Variants in STX17 observed in about 807,000 individuals in gnomAD.
The protein encoded by STX17 is syntaxin-17.
In STX17, 29 loss-of-function variants were observed where a neutral mutation model predicts 35.9. The ratio of observed to expected loss-of-function variants is 0.81; its 90% CI spans 0.60 to 1.10. The LOEUF (loss-of-function observed/expected upper bound fraction) is 1.10. STX17 is among the 50% of genes least tolerant of loss of function. The probability of loss-of-function intolerance (pLI) is 0.00; values close to 1 mark genes in which losing one functional copy is unlikely to be tolerated. For synonymous variants in STX17, 92 were observed against 118.3 expected (o/e 0.78, Z 1.44); for missense variants, 312 against 352.3 (o/e 0.89, Z 0.92).
At position 99,915,472 on chromosome 9, in the gene STX17, C is replaced by G. The variant is rs1220562272; in HGVS notation, c.123+110C>G. ...TAGATAAGAGGCATTGCTGAAACAC[C>G]TAGCTCCTATTGATTTAGCAACATT... is the stretch of plus-strand genomic sequence containing the variant. On this transcript the variant is annotated intron_variant, in intron 2 of 7. Transcript: ENST00000259400. The G allele has an allele frequency of 5.0e-5, 66 of 1,313,094 alleles. No homozygotes were observed. In the South Asian group the frequency reaches 9.8e-4, roughly 19 times the overall value. The allele number at this position is 1,313,094 out of a possible 1,614,324, so 81.3% of individuals were successfully genotyped here.
At chr9:99,936,574 T>A (rs1829240341) in intron 3 of STX17, among the ~76,000 whole-genome samples, 1 of 152,192 alleles carries the variant, frequency 6.6e-6, no homozygotes, top group East Asian at 1.9e-4. Context: ...TTATTCCATT[T>A]TATCTCCTTG....
intron 2 of STX17, among the ~76,000 whole-genome samples, chr9:99,922,596 A>C (rs1009872199): frequency 6.6e-5 from 10 of 152,214 alleles, no homozygotes. Flanking sequence ...TGTGTCCCAC[A>C]TGTGTAGTCC....
intron 1 of STX17, among the ~76,000 whole-genome samples, chr9:99,908,079 T>A (rs550918870): frequency 6.6e-6 from 1 of 152,342 alleles, no homozygotes; most frequent in South Asian, 2.1e-4. Context: ...TAGATTAAGG[T>A]TATACATTTT....
chr9:99,920,846 C>A (rs547058239), intron 2 of STX17, among the ~76,000 whole-genome samples: 2 of 152,240 alleles, frequency 1.3e-5, no homozygotes, highest in East Asian at 3.9e-4. Flanking sequence ...GTTATAAAAT[C>A]ATGTAAACAG....
intron 4 of STX17, 86 bp downstream of exon 4, chr9:99,951,371 ATAGGT>A: frequency 2.4e-6 from 3 of 1,245,128 alleles, no homozygotes; most frequent in South Asian, 1.4e-5. Context: ...TGAATTATCT[ATAGGT>A]CTTCAGAGAC....
intron 2 of STX17, among the ~76,000 whole-genome samples, chr9:99,922,643 A>T (rs1309540758): frequency 3.3e-5 from 5 of 152,150 alleles, no homozygotes; most frequent in Admixed American, 3.3e-4. Flanking sequence ...TCTTATCAGG[A>T]CCTAAGCCCT....
chr9:99,938,473 T>C (rs1829282895), intron 3 of STX17, among the ~76,000 whole-genome samples: 1 of 152,152 alleles, frequency 6.6e-6, no homozygotes, highest in South Asian at 2.1e-4. Flanking sequence ...CTGAAGAACA[T>C]TAACTTGGCT....
chr9:99,951,482 A>G (rs532147081), intron 4 of STX17, among the ~76,000 whole-genome samples, 197 bp downstream of exon 4: 1 of 152,116 alleles, frequency 6.6e-6, no homozygotes, highest in Admixed American at 6.6e-5. Flanking sequence ...ATTTAAGGCT[A>G]TGCTTATGGA....
intron 4 of STX17, among the ~76,000 whole-genome samples, chr9:99,956,983 G>A (rs187659943): frequency 1.3e-4 from 20 of 152,270 alleles, no homozygotes; most frequent in Admixed American, 1.1e-3. Context: ...GCATTTCTCT[G>A]CTTATAACCC....
intron 2 of STX17, among the ~76,000 whole-genome samples, chr9:99,925,610 A>G (rs192028845): frequency 6.6e-6 from 1 of 152,108 alleles, no homozygotes; most frequent in Non-Finnish European, 1.5e-5. Flanking sequence ...TTAAAAAACA[A>G]CTTTCTCTGG....
intron 4 of STX17, among the ~76,000 whole-genome samples, chr9:99,957,204 T>C (rs1244511184): frequency 6.6e-6 from 1 of 152,200 alleles, no homozygotes; most frequent in Non-Finnish European, 1.5e-5. Flanking sequence ...TATTCCTCTC[T>C]TCTTTGCCTA....
chr9:99,935,711 A>G (rs1829220799), intron 3 of STX17, among the ~76,000 whole-genome samples: 1 of 152,218 alleles, frequency 6.6e-6, no homozygotes, highest in Non-Finnish European at 1.5e-5. Context: ...GCAACAAAGA[A>G]TCACAGAAGG....
At chr9:99,930,648 G>A (rs890212908) in intron 3 of STX17, among the ~76,000 whole-genome samples, 4 of 152,122 alleles carry the variant, frequency 2.6e-5, no homozygotes, top group African/African-American at 7.2e-5. Context: ...TTGTTGTGCA[G>A]CTCCTGTTCT....
chr9:99,915,841 A>G (rs1288692279), intron 2 of STX17, among the ~76,000 whole-genome samples: 2 of 152,278 alleles, frequency 1.3e-5, no homozygotes, highest in East Asian at 3.9e-4. Flanking sequence ...TACAGGTGTG[A>G]GCCGTGGCGC....
chr9:99,964,857 C>T (rs1319994099), intron 6 of STX17, among the ~76,000 whole-genome samples: 1 of 152,136 alleles, frequency 6.6e-6, no homozygotes, highest in East Asian at 1.9e-4. Flanking sequence ...TGCTGCCTAA[C>T]TGTAACCTTT....
chr9:99,933,418 C>T (rs533785624), intron 3 of STX17, among the ~76,000 whole-genome samples: 1 of 152,108 alleles, frequency 6.6e-6, no homozygotes, highest in Non-Finnish European at 1.5e-5. Context: ...GCTCTTTAGT[C>T]CTCCATATGA....
At chr9:99,962,879 C>T (rs1829853212) in intron 6 of STX17, among the ~76,000 whole-genome samples, 2 of 152,160 alleles carry the variant, frequency 1.3e-5, no homozygotes, top group South Asian at 4.1e-4. Flanking sequence ...TCTATTTAGG[C>T]ACAGAATGAC....
At chr9:99,949,318 T>C (rs565582763) in intron 3 of STX17, among the ~76,000 whole-genome samples, 1 of 152,212 alleles carries the variant, frequency 6.6e-6, no homozygotes, top group East Asian at 1.9e-4. Context: ...GCACAATTTT[T>C]TCACCCAGAA....
intron 3 of STX17, among the ~76,000 whole-genome samples, chr9:99,946,436 A>G (rs1234252848): frequency 6.6e-6 from 1 of 152,188 alleles, no homozygotes; most frequent in Non-Finnish European, 1.5e-5. Flanking sequence ...TCCTTAGACT[A>G]TTTTAGTTCC....
Sources: allele counts gnomAD v4.1 joint callset (sites outside exome capture counted in the v4.1 genomes callset), GRCh38; gene constraint gnomAD v4.1.1; transcripts MANE v1.5; gene names NCBI Gene and HGNC (gene_info 2026-07-23, HGNC 2026-07-21).